ABCB1: variants seen among roughly 807,000 people sequenced by gnomAD.
ABCB1 encodes ATP binding cassette subfamily B member 1, also known as ATP-dependent translocase ABCB1.
Under a neutral mutation model 142.0 loss-of-function variants are expected in ABCB1, and 69 were observed. The ratio of observed to expected loss-of-function variants is 0.49; its 90% CI spans 0.40 to 0.59. The LOEUF is 0.59. Among genes scored for constraint, ABCB1 ranks in the 20% least tolerant of loss-of-function variants. The pLI, the probability that ABCB1 is intolerant of heterozygous loss-of-function variation, is 0.00. For missense variants in ABCB1, 1,326 were observed against 1,554.7 expected (o/e 0.85, Z 2.47); for synonymous variants, 532 against 539.2 (o/e 0.99, Z 0.18).
chr7:87,549,495 C>A lies in ABCB1; in HGVS notation c.1578G>T (p.Glu526Asp). ...LPHKFDTLVG[E>D]RGAQLSGGQK... ...GCCCACCACTCAACTGGGCCCCTCT[C>A]TCTCCAACCAGGGTGTCAAATTTCT... is the stretch of plus-strand genomic sequence containing the variant. The change falls in exon 14 of 28, where the codon GAG becomes GAT. Residue 526 changes from glutamate to aspartate, a missense_variant. Coordinates refer to ENST00000622132, the MANE Select transcript of ABCB1 (RefSeq NM_001348946.2). 1 of 1,614,214 alleles carries A rather than the reference C, an allele frequency of 6.2e-7. No homozygotes were observed. Among genetic ancestry groups the A allele is most frequent in the Non-Finnish European group, 8.5e-7 (1 of 1,180,032 alleles).
intron 1 of ABCB1, among the ~76,000 whole-genome samples, chr7:87,701,408 T>G (rs1205970888): frequency 2.6e-5 from 4 of 152,220 alleles, no homozygotes; most frequent in Non-Finnish European, 5.9e-5. Context: ...CTTCCCAATA[T>G]AGAAAAGCTT....
chr7:87,663,348 A>G (rs966978108), intron 1 of ABCB1, among the ~76,000 whole-genome samples: 1 of 151,962 alleles, frequency 6.6e-6, no homozygotes, highest in Admixed American at 6.6e-5. Context: ...TTAACTAACC[A>G]TCTCGTTGTC....
chr7:87,636,685 C>A (rs1177628870), intron 1 of ABCB1, among the ~76,000 whole-genome samples: 1 of 152,024 alleles, frequency 6.6e-6, no homozygotes, highest in Non-Finnish European at 1.5e-5. Context: ...TTTATTTTTA[C>A]ATTTATATCA....
intron 1 of ABCB1, among the ~76,000 whole-genome samples, chr7:87,705,829 T>C (rs947038037): frequency 6.6e-6 from 1 of 152,214 alleles, no homozygotes; most frequent in Non-Finnish European, 1.5e-5. Flanking sequence ...ATTGAATCTT[T>C]AGTTACCACT....
intron 1 of ABCB1, among the ~76,000 whole-genome samples, chr7:87,672,521 G>C (rs1475983751): frequency 6.6e-6 from 1 of 152,176 alleles, no homozygotes; most frequent in Non-Finnish European, 1.5e-5. Context: ...TAGCCCTCTA[G>C]ATTCAGCCTC....
intron 1 of ABCB1, among the ~76,000 whole-genome samples, chr7:87,631,287 A>C (rs1354705091): frequency 6.6e-6 from 1 of 152,242 alleles, no homozygotes; most frequent in African/African-American, 2.4e-5. Flanking sequence ...CAAATTAAGA[A>C]AAATGAATAA....
chr7:87,688,505 T>C (rs1827698416), intron 1 of ABCB1, among the ~76,000 whole-genome samples: 1 of 151,978 alleles, frequency 6.6e-6, no homozygotes, highest in Non-Finnish European at 1.5e-5. Flanking sequence ...CTGTGGAGTT[T>C]TCAATTACCC....
At chr7:87,620,914 A>C (rs1820199532) in intron 1 of ABCB1, among the ~76,000 whole-genome samples, 2 of 152,158 alleles carry the variant, frequency 1.3e-5, no homozygotes, top group South Asian at 4.1e-4. Flanking sequence ...TAGGAAGTGT[A>C]GTGGAAAAAA....
chr7:87,513,861 G>A (rs978750363), intron 25 of ABCB1, among the ~76,000 whole-genome samples: 1 of 152,092 alleles, frequency 6.6e-6, no homozygotes, highest in Non-Finnish European at 1.5e-5. Context: ...CTTAATAACT[G>A]TCTGTTGAGG....
intron 1 of ABCB1, among the ~76,000 whole-genome samples, chr7:87,640,859 G>T (rs1340307180): frequency 6.6e-6 from 1 of 152,058 alleles, no homozygotes; most frequent in East Asian, 1.9e-4. Context: ...GGTAGTTCCA[G>T]AATTTTTATT....
Position 87,571,223 on chromosome 7 carries a change from A to G in ABCB1, c.287-1000T>C, listed in dbSNP as rs574386245. Reference sequence around the variant, plus strand: ...TGGACAAAAGTCAACGGCAAGTTTGAAGAATGGGTAAGCCTGTTTTTGACA... The same window carrying G: ...TGGACAAAAGTCAACGGCAAGTTTGGAGAATGGGTAAGCCTGTTTTTGACA... On this transcript the variant is annotated intron_variant, in intron 4 of 27. Transcript: ENST00000622132. Among the ~76,000 whole-genome samples, 5 of 152,330 alleles carry G rather than the reference A, an allele frequency of 3.3e-5. No homozygotes were observed. In the South Asian group the frequency reaches 1.0e-3, roughly 32 times the overall value.
In ABCB1 at chr7:87,558,762, T is replaced by C. The variant is rs546270309; in HGVS notation, c.827+2501A>G. On this transcript the variant is annotated intron_variant, in intron 8 of 27. Coordinates refer to ENST00000622132, the MANE Select transcript of ABCB1 (RefSeq NM_001348946.2). ...CTAATATATTAAGAAGGTTGTTTCTTATTCCTAGTTTTACGAGTTTTTGTC... is the reference window on the plus strand; with the variant it reads ...CTAATATATTAAGAAGGTTGTTTCTCATTCCTAGTTTTACGAGTTTTTGTC... Among the ~76,000 whole-genome samples the C allele has an allele frequency of 7.2e-5, 11 of 152,190 alleles. No homozygotes were observed. In the East Asian group the frequency reaches 1.7e-3, roughly 24 times the overall value.
At chr7:87,520,990 T>C (rs1277846163) in intron 21 of ABCB1, 114 bp from the exon 22 acceptor site, 1 of 797,932 alleles carries the variant, frequency 1.3e-6, no homozygotes, top group Admixed American at 2.1e-5. Flanking sequence ...TTTATTATTA[T>C]GTATGAGCAT....
chr7:87,588,058 T>C (rs1413302073), intron 3 of ABCB1, among the ~76,000 whole-genome samples: 1 of 151,974 alleles, frequency 6.6e-6, no homozygotes, highest in African/African-American at 2.4e-5. Context: ...ATTACATCTC[T>C]TAATCTTAGA....
At chr7:87,589,418 G>A (rs1273460351) in intron 3 of ABCB1, among the ~76,000 whole-genome samples, 1 of 152,046 alleles carries the variant, frequency 6.6e-6, no homozygotes, top group Non-Finnish European at 1.5e-5. Context: ...CAAAAAGCAG[G>A]CAGACCAAAA....
chr7:87,515,822 C>T (rs1815219056), intron 24 of ABCB1, among the ~76,000 whole-genome samples: 1 of 151,984 alleles, frequency 6.6e-6, no homozygotes. Flanking sequence ...GTCTCGAACT[C>T]CTGACCTCAC....
At chr7:87,681,464 A>G (rs1826919970) in intron 1 of ABCB1, among the ~76,000 whole-genome samples, 1 of 150,748 alleles carries the variant, frequency 6.6e-6, no homozygotes, top group African/African-American at 2.5e-5. Flanking sequence ...GTCACAAAAA[A>G]TTTTTGGTTT....
chr7:87,692,287 CA>C (rs976584029), intron 1 of ABCB1, among the ~76,000 whole-genome samples: 2 of 151,620 alleles, frequency 1.3e-5, no homozygotes, highest in Non-Finnish European at 2.9e-5. Context: ...CTGGTCTCTA[CA>C]AAAAAAACAC....
At chr7:87,708,075 G>T (rs1829766730) in intron 1 of ABCB1, among the ~76,000 whole-genome samples, 2 of 151,860 alleles carry the variant, frequency 1.3e-5, no homozygotes, top group African/African-American at 2.4e-5. Flanking sequence ...GCTGGAAATT[G>T]GTTACCAAAA....
Sources: allele counts gnomAD v4.1 joint callset (sites outside exome capture counted in the v4.1 genomes callset), GRCh38; gene constraint gnomAD v4.1.1; transcripts MANE v1.5; gene names NCBI Gene and HGNC (gene_info 2026-07-23, HGNC 2026-07-21).